Variants in DPH6 observed in about 807,000 individuals in gnomAD.
DPH6 encodes diphthamine biosynthesis 6.
Under a neutral mutation model 38.2 loss-of-function variants are expected in DPH6, and 33 were observed. That is an observed-to-expected ratio of 0.86 (90% CI 0.65 to 1.15). DPH6 has a LOEUF of 1.15. DPH6 is among the 50% of genes most tolerant of loss of function. The pLI is 0.00. For synonymous variants in DPH6, 108 were observed against 103.0 expected, an observed-to-expected ratio of 1.05 and a Z score of -0.30; for missense variants, 325 against 320.0, an observed-to-expected ratio of 1.02 and a Z score of -0.12.
intron 3 of DPH6, among the ~76,000 whole-genome samples, chr15:35,468,745 GGGGACA>G (rs1319529546): frequency 5.9e-5 from 9 of 151,604 alleles, no homozygotes; most frequent in African/African-American, 2.2e-4. Flanking sequence ...GTGGCGAAAA[GGGGACA>G]GTTAGCAGGA....
intron 5 of DPH6, among the ~76,000 whole-genome samples, chr15:35,421,116 C>G (rs1463466349): frequency 6.6e-5 from 10 of 152,000 alleles, no homozygotes; most frequent in Non-Finnish European, 1.5e-4. Flanking sequence ...CTGAACAGAC[C>G]AAGAATAACT....
chr15:35,413,553 A>G (rs1265762440), intron 5 of DPH6, among the ~76,000 whole-genome samples: 1 of 151,632 alleles, frequency 6.6e-6, no homozygotes, highest in Non-Finnish European at 1.5e-5. Flanking sequence ...TCTCCATCAG[A>G]TTTTTATCTT....
At chr15:35,197,743 G>C in the DPH6 span, among the ~76,000 whole-genome samples, 1 of 152,190 alleles carries the variant, frequency 6.6e-6, no homozygotes, top group Non-Finnish European at 1.5e-5. Flanking sequence ...TTGGGCATTG[G>C]TCTGAGAAAT....
intron 3 of DPH6, among the ~76,000 whole-genome samples, chr15:35,274,315 C>T (rs1229885468): frequency 6.6e-6 from 1 of 151,916 alleles, no homozygotes; most frequent in South Asian, 2.1e-4. Flanking sequence ...GAAAACCTAG[C>T]CAATACCATT....
chr15:35,480,661 T>G lies in DPH6; in HGVS notation c.313-25841A>C, dbSNP rs192588482. Among the ~76,000 whole-genome samples the G allele has an allele frequency of 6.6e-5, 10 of 152,068 alleles. No individual in the cohort carries two copies. In the East Asian group the frequency reaches 1.9e-3, roughly 29 times the overall value. On this transcript the variant is annotated intron_variant, in intron 3 of 8. Transcript: ENST00000256538. ...TAAAGCATACTAATATTTAATTTAA[T>G]AATTCCACTAACATAATTTAGTAGC...
chr15:35,524,194 T>C (rs1366892377), intron 3 of DPH6, among the ~76,000 whole-genome samples: 2 of 152,072 alleles, frequency 1.3e-5, no homozygotes, highest in South Asian at 2.1e-4. Flanking sequence ...ATTTTTATTA[T>C]TAGATTCAAA....
chr15:35,221,756 T>G (rs1595433759), intron 3 of DPH6, among the ~76,000 whole-genome samples: 1 of 152,370 alleles, frequency 6.6e-6, no homozygotes, highest in African/African-American at 2.4e-5. Context: ...GCAAGCTTTT[T>G]AATTCTTTAT....
At chr15:35,248,721 T>C (rs562634552) in intron 3 of DPH6, among the ~76,000 whole-genome samples, 3 of 152,350 alleles carry the variant, frequency 2.0e-5, no homozygotes, top group African/African-American at 7.2e-5. Context: ...CCATGACCTT[T>C]ATGACGGAGA....
intron 3 of DPH6, among the ~76,000 whole-genome samples, chr15:35,260,369 G>C (rs2051738404): frequency 6.6e-6 from 1 of 152,030 alleles, no homozygotes; most frequent in Admixed American, 6.5e-5. Flanking sequence ...GCCTCCCAAA[G>C]TGTTCGGATT....
At chr15:35,498,890 T>C (rs368555841) in intron 3 of DPH6, among the ~76,000 whole-genome samples, 1 of 149,944 alleles carries the variant, frequency 6.7e-6, no homozygotes, top group African/African-American at 2.5e-5. Context: ...GGAGAATTAC[T>C]TGATGCCAGG....
At chr15:35,260,282 A>AT (rs2051737717) in intron 3 of DPH6, among the ~76,000 whole-genome samples, 1 of 151,834 alleles carries the variant, frequency 6.6e-6, no homozygotes, top group African/African-American at 2.4e-5. Context: ...TAATTTTTGT[A>AT]TTTTTAGTAG....
intron 7 of DPH6, among the ~76,000 whole-genome samples, chr15:35,379,811 TA>T (rs1566887333): frequency 6.6e-6 from 1 of 152,156 alleles, no homozygotes; most frequent in Non-Finnish European, 1.5e-5. Context: ...AATTACAAAT[TA>T]GTCCAACAGT....
intron 3 of DPH6, among the ~76,000 whole-genome samples, chr15:35,220,769 A>G (rs2051437323): frequency 6.6e-6 from 1 of 152,174 alleles, no homozygotes; most frequent in South Asian, 2.1e-4. Flanking sequence ...AAGGACAACC[A>G]TTCAAAACAT....
At chr15:35,281,212 A>T (rs904967836) in intron 3 of DPH6, among the ~76,000 whole-genome samples, 1 of 152,152 alleles carries the variant, frequency 6.6e-6, no homozygotes, top group African/African-American at 2.4e-5. Context: ...TCAAAAGGTC[A>T]TGTAAGTCTT....
At chr15:35,237,614 G>A (rs1595440580) in intron 3 of DPH6, 2 of 1,606,642 alleles carry the variant, frequency 1.2e-6, no homozygotes, top group Non-Finnish European at 8.5e-7. Context: ...AAATTTATGT[G>A]GCAACAAAAT....
intron 3 of DPH6, among the ~76,000 whole-genome samples, chr15:35,497,369 A>G (rs1294349899): frequency 6.6e-6 from 1 of 152,188 alleles, no homozygotes; most frequent in Non-Finnish European, 1.5e-5. Context: ...TAAATTCCTA[A>G]CTAGTTACCC....
intron 6 of DPH6, among the ~76,000 whole-genome samples, chr15:35,403,508 T>C (rs1220127708): frequency 6.6e-6 from 1 of 152,030 alleles, no homozygotes; most frequent in East Asian, 1.9e-4. Flanking sequence ...TTATTCATCC[T>C]TTCTTTATTT....
intron 3 of DPH6, among the ~76,000 whole-genome samples, chr15:35,509,833 T>G (rs1049549891): frequency 1.3e-5 from 2 of 152,238 alleles, no homozygotes; most frequent in African/African-American, 4.8e-5. Context: ...TGACTTCTTT[T>G]GCTACCTCAG....
chr15:35,161,240 G>T, the DPH6 span, among the ~76,000 whole-genome samples: 1 of 152,098 alleles, frequency 6.6e-6, no homozygotes, highest in South Asian at 2.1e-4. Flanking sequence ...TGTTGCCTCA[G>T]GAACTTCTTA....
Sources: gnomAD v4.1 joint callset for allele counts (sites outside exome capture counted in the v4.1 genomes callset) on GRCh38, gnomAD v4.1.1 for gene constraint, MANE v1.5 for transcripts, NCBI Gene and HGNC (gene_info 2026-07-23, HGNC 2026-07-21) for gene names.